REST: variants seen among roughly 807,000 people sequenced by gnomAD.
The protein encoded by REST is RE1-silencing transcription factor.
In REST, 1 loss-of-function variant was observed where a neutral mutation model predicts 30.4. The observed-to-expected ratio is 0.03, with a 90% confidence interval of 0.01 to 0.16. REST has a LOEUF of 0.16. REST is among the 10% of genes least tolerant of loss of function. The probability of loss-of-function intolerance (pLI) is 1.00; values close to 1 mark genes in which losing one functional copy is unlikely to be tolerated. For synonymous variants in REST, 504 were observed against 451.1 expected, an observed-to-expected ratio of 1.12 and a Z score of -1.49; for missense variants, 1,259 against 1,329.5, an observed-to-expected ratio of 0.95 and a Z score of 0.82.
Position 56,930,890 on chromosome 4 carries a change from G to A in REST, c.2032G>A (p.Ala678Thr), listed in dbSNP as rs367688230. The change falls in exon 4 of 4, where the codon GCC becomes ACC. Residue 678 changes from alanine to threonine, a missense_variant. Around this residue, in one of 5 missense-constraint regions of REST, gnomAD observed 856 missense variants for 772.8 expected, o/e 1.11. Coordinates refer to ENST00000309042, the MANE Select transcript of REST (RefSeq NM_005612.5). Reference sequence around the variant, plus strand: ...CGTGGAGCCTGCTCAGATGGTGGGTGCCCAAATTGTACTTGCTCACATGGA... The same window carrying A: ...CGTGGAGCCTGCTCAGATGGTGGGTACCCAAATTGTACTTGCTCACATGGA... ...PPVEPAQMVG[A>T]QIVLAHMELP... The A allele has an allele frequency of 9.3e-6, 15 of 1,613,776 alleles. No individual in the cohort carries two copies. The highest frequency in any genetic ancestry group is 1.3e-5 in the Non-Finnish European group (15 of 1,179,948).
intron 3 of REST, chr4:56,922,417 G>A (rs1471926281): frequency 6.6e-6 from 1 of 151,388 alleles, no homozygotes; most frequent in Admixed American, 6.6e-5. Flanking sequence ...AGGTTCAAGC[G>A]ATTCTCCTGC....
intron 3 of REST, among the ~76,000 whole-genome samples, chr4:56,926,508 C>T (rs188815354): frequency 1.3e-5 from 2 of 152,068 alleles, no homozygotes; most frequent in Non-Finnish European, 2.9e-5. Context: ...TCCCAAGTAG[C>T]TGGGACTGTA....
In REST at chr4:56,931,590, C is replaced by T; in HGVS notation, c.2732C>T (p.Ala911Val). The part of the protein sequence containing the change: ...EADESLPGLA[A>V]NINESTHISS... ...GATGAGAGCCTACCTGGTCTTGCTGCTAATATCAACGAATCTACCCATATT... is the reference window on the plus strand; with the variant it reads ...GATGAGAGCCTACCTGGTCTTGCTGTTAATATCAACGAATCTACCCATATT... Residue 911 changes from alanine (A) to valine (V), a missense_variant, in exon 4 of 4, where the codon GCT becomes GTT. Transcript: ENST00000309042. The T allele has an allele frequency of 6.2e-7, 1 of 1,614,186 alleles. No individual in the cohort carries two copies. The highest frequency in any genetic ancestry group is 8.5e-7 in the Non-Finnish European group (1 of 1,180,030).
At chr4:56,926,205 A>G (rs1290069973) in intron 3 of REST, among the ~76,000 whole-genome samples, 6 of 151,720 alleles carry the variant, frequency 4.0e-5, no homozygotes, top group Admixed American at 2.0e-4. Context: ...GATTACAGGC[A>G]TGCACCACCA....
intron 2 of REST, among the ~76,000 whole-genome samples, chr4:56,914,408 T>C (rs992310926): frequency 6.6e-6 from 1 of 152,206 alleles, no homozygotes; most frequent in African/African-American, 2.4e-5. Context: ...CTTTAAAATT[T>C]AGTCCAGTAA....
In REST at chr4:56,930,818, A is replaced by T. The variant is rs1720929597; in HGVS notation, c.1960A>T (p.Met654Leu). ...GCCTGCTCCTGACGAGCCTGTTCAG[A>T]TGGAGGTGGTTCAGGAGGGGCCTGC... ...IRPAPDEPVQ[M>L]EVVQEGPAQK... is the part of the protein sequence containing the mutation. The change falls in exon 4 of 4, where the codon ATG (methionine) becomes TTG (leucine). Residue 654 changes from methionine to leucine, a missense_variant. By Grantham distance (15) the Met-to-Leu change is conservative. Around this residue, in one of 5 missense-constraint regions of REST, gnomAD observed 856 missense variants for 772.8 expected, o/e 1.11. Coordinates refer to ENST00000309042, the MANE Select transcript of REST (RefSeq NM_005612.5). 3.7e-6 allele frequency: 6 copies of T among 1,610,354 alleles called. No individual in the cohort carries two copies. The African/African-American group carries it at 5.4e-5, about 14-fold the overall frequency.
At chr4:56,926,741 A>G (rs1175031525) in intron 3 of REST, among the ~76,000 whole-genome samples, 3 of 152,104 alleles carry the variant, frequency 2.0e-5, no homozygotes, top group Non-Finnish European at 4.4e-5. Context: ...TGTCTGCTCC[A>G]TGTTAAGGAC....
chr4:56,930,785 C>G lies in REST; in HGVS notation c.1927C>G (p.Gln643Glu), dbSNP rs1720926150. The stretch of plus-strand genomic sequence containing the variant: ...GGAGCATGCTCAGATGGAGGGTGCC[C>G]AGATACGGCCTGCTCCTGACGAGCC... ...PMEHAQMEGA[Q>E]IRPAPDEPVQ... The change falls in exon 4 of 4, where the codon CAG becomes GAG. Residue 643 changes from glutamine (Q) to glutamate (E), a missense_variant. Coordinates refer to ENST00000309042, the MANE Select transcript of REST (RefSeq NM_005612.5). 2 of 1,604,336 alleles carry G rather than the reference C, an allele frequency of 1.2e-6. No individual in the cohort carries two copies. Among genetic ancestry groups the G allele is most frequent in the East Asian group, 2.2e-5 (1 of 44,764 alleles).
rs765732930 is a variant in REST at position 56,932,194 on chromosome 4, T to A, written c.*42T>A. 2.0e-6 allele frequency: 3 copies of A among 1,525,126 alleles called. No individual in the cohort carries two copies. In the African/African-American group the frequency reaches 4.2e-5, roughly 21 times the overall value. 94.5% of individuals were successfully genotyped at this position (1,525,126 alleles called of 1,614,324 possible). A position where few individuals can be genotyped will look rare whatever the true frequency, so the allele number is the denominator to read the frequency against. The stretch of plus-strand genomic sequence containing the variant: ...GTTTCAGTTCTTAGTTTGTAAGGTA[T>A]ATTACATTTTATATTCATTTATGAT... On this transcript the variant is annotated 3_prime_UTR_variant, in exon 4 of 4. Coordinates refer to ENST00000309042, the MANE Select transcript of REST (RefSeq NM_005612.5).
chr4:56,908,612 C>T (rs1197031982), intron 1 of REST, among the ~76,000 whole-genome samples: 1 of 152,064 alleles, frequency 6.6e-6, no homozygotes. Context: ...CCACCGCAGC[C>T]CCGCGCCGGC....
At chr4:56,912,040 GA>G (rs1484628228) in intron 2 of REST, among the ~76,000 whole-genome samples, 2 of 152,212 alleles carry the variant, frequency 1.3e-5, no homozygotes, top group African/African-American at 4.8e-5. Flanking sequence ...GTTTCTGAAA[GA>G]AATTGAGGGC....
In REST at chr4:56,931,779, T is replaced by C; in HGVS notation, c.2921T>C (p.Leu974Pro). 6.2e-7 allele frequency: 1 copy of C among 1,614,206 alleles called. No individual in the cohort carries two copies. The highest frequency in any genetic ancestry group is 1.3e-5 in the African/African-American group (1 of 75,052). The change falls in exon 4 of 4, where the codon CTT (leucine) becomes CCT (proline). Residue 974 changes from leucine (L) to proline (P), a missense_variant. This residue lies in a region of REST where 856 missense variants were observed against 772.8 expected (regional missense o/e 1.11). Coordinates refer to ENST00000309042, the MANE Select transcript of REST (RefSeq NM_005612.5). ...STVEEPVSPMLPPSAVEEREA... is the reference protein window; with the variant it reads ...STVEEPVSPMPPPSAVEEREA... ...GTTGAAGAACCAGTTTCACCAATGC[T>C]TCCCCCTTCAGCAGTAGAAGAACGT...
In REST at chr4:56,931,566, A is replaced by G. The variant is rs773713906; in HGVS notation, c.2708A>G (p.Asp903Gly). The change falls in exon 4 of 4, where the codon GAT (aspartate) becomes GGT (glycine). Residue 903 changes from aspartate (D) to glycine (G), a missense_variant. Asp to Gly is a moderately conservative substitution (Grantham distance 94). Transcript: ENST00000309042. Reference protein sequence around the residue: ...PLQKVGAEEADESLPGLAANI... With the variant: ...PLQKVGAEEAGESLPGLAANI... Reference sequence around the variant, plus strand: ...CAGAAAGTAGGAGCAGAAGAGGCAGATGAGAGCCTACCTGGTCTTGCTGCT... The same window carrying G: ...CAGAAAGTAGGAGCAGAAGAGGCAGGTGAGAGCCTACCTGGTCTTGCTGCT... 9 of 1,614,262 alleles carry G rather than the reference A, an allele frequency of 5.6e-6. No homozygotes were observed. In the Admixed American group the frequency reaches 8.3e-5, roughly 15 times the overall value.
chr4:56,928,068 A>G (rs1168674752), intron 3 of REST, among the ~76,000 whole-genome samples: 1 of 152,182 alleles, frequency 6.6e-6, no homozygotes. Flanking sequence ...AAGATTTACC[A>G]TAAGAAATTT....
rs140764281 is a variant in REST at position 56,928,656 on chromosome 4, G to A, written c.983-1185G>A. Among the ~76,000 whole-genome samples the A allele has an allele frequency of 7.3e-5, 11 of 151,684 alleles. No individual in the cohort carries two copies. In the East Asian group the frequency reaches 2.0e-3, roughly 27 times the overall value. Reference sequence around the variant, plus strand: ...GCTGAAGTGAAGTGGTGGGATCTCAGCTGACTGCAACCTCCGCCTCCTGAG... The same window carrying A: ...GCTGAAGTGAAGTGGTGGGATCTCAACTGACTGCAACCTCCGCCTCCTGAG... On this transcript the variant is annotated intron_variant, in intron 3 of 3. Coordinates refer to ENST00000309042, the MANE Select transcript of REST (RefSeq NM_005612.5).
Position 56,930,564 on chromosome 4 carries a change from A to G in REST, c.1706A>G (p.Lys569Arg), listed in dbSNP as rs541994823. 3 of 1,612,086 alleles carry G rather than the reference A, an allele frequency of 1.9e-6. No homozygotes were observed. Among genetic ancestry groups the G allele is most frequent in the South Asian group, 2.2e-5 (2 of 90,784 alleles). The change falls in exon 4 of 4, where the codon AAA becomes AGA. Residue 569 changes from lysine to arginine, a missense_variant. Physicochemically the swap from Lys to Arg is conservative, Grantham distance 26. Transcript: ENST00000309042. ...GGTGACAGCAAAGTGGAGGAGAATA[A>G]AAAGCAAAATACTTGCATGAAAAAA... ...PKGDSKVEEN[K>R]KQNTCMKKST... is the part of the protein sequence containing the mutation.
rs567424680 is a variant in REST at position 56,933,649 on chromosome 4, A to T, written c.*1497A>T. On this transcript the variant is annotated 3_prime_UTR_variant, in exon 4 of 4. Transcript: ENST00000309042. ...TTGCAGCTATCCTGGTGTTCCTATG[A>T]GGGCACTTTGTATGAAAAAGGGCAT... The T allele has an allele frequency of 2.6e-5, 4 of 152,310 alleles. No individual in the cohort carries two copies. The South Asian group carries it at 8.3e-4, about 32-fold the overall frequency. 9.4% of individuals were successfully genotyped at this position (152,310 alleles called of 1,614,324 possible).
intron 3 of REST, 162 bp downstream of exon 3, chr4:56,920,032 C>T (rs1214215831): frequency 9.8e-6 from 4 of 409,572 alleles, no homozygotes; most frequent in Middle Eastern, 6.7e-4. Context: ...GGATTCCTAA[C>T]ATGGAATCCA....
intron 1 of REST, among the ~76,000 whole-genome samples, chr4:56,909,789 G>T (rs1325343602): frequency 6.6e-6 from 1 of 152,212 alleles, no homozygotes; most frequent in African/African-American, 2.4e-5. Flanking sequence ...AGGTGATCTT[G>T]TAATGGCTTC....
Sources: allele counts gnomAD v4.1 joint callset (sites outside exome capture counted in the v4.1 genomes callset), GRCh38; gene constraint gnomAD v4.1.1; regional missense constraint gnomAD v4.1.1; transcripts MANE v1.5; gene names NCBI Gene and HGNC (gene_info 2026-07-23, HGNC 2026-07-21).